SLC25A48: variants seen among roughly 807,000 people sequenced by gnomAD.
SLC25A48 encodes the protein CTC-321K16.1.
In SLC25A48, 29 loss-of-function variants were observed where a neutral mutation model predicts 32.2. The observed-to-expected ratio is 0.90, with a 90% CI of 0.67 to 1.23. The LOEUF is 1.23. SLC25A48 is among the 50% of genes most tolerant of loss of function. The pLI is 0.00. For missense variants in SLC25A48, 399 were observed against 422.7 expected, an observed-to-expected ratio of 0.94 and a Z score of 0.49; for synonymous variants, 164 against 172.3, an observed-to-expected ratio of 0.95 and a Z score of 0.38.
intron 3 of SLC25A48, among the ~76,000 whole-genome samples, chr5:135,763,440 C>T (rs1756113084): frequency 6.6e-6 from 1 of 152,084 alleles, no homozygotes; most frequent in Non-Finnish European, 1.5e-5. Flanking sequence ...CACCCAGCAC[C>T]CTCCAGCCAG....
At chr5:135,692,997 A>G (rs1754181233) in intron 3 of SLC25A48, among the ~76,000 whole-genome samples, 1 of 152,210 alleles carries the variant, frequency 6.6e-6, no homozygotes, top group Non-Finnish European at 1.5e-5. Context: ...GTTAAGATCA[A>G]ATTAAATGCT....
chr5:135,718,236 C>A (rs1353503656), intron 3 of SLC25A48, among the ~76,000 whole-genome samples: 19 of 152,130 alleles, frequency 1.2e-4, no homozygotes, highest in Admixed American at 1.2e-3. Context: ...CTTGGCTCCC[C>A]AGCAGGCTTT....
At chr5:135,814,326 C>G (rs1757663701) in intron 4 of SLC25A48, among the ~76,000 whole-genome samples, 1 of 152,208 alleles carries the variant, frequency 6.6e-6, no homozygotes, top group Non-Finnish European at 1.5e-5. Flanking sequence ...CTCTTGCAGA[C>G]AGCCTACTCT....
chr5:135,863,895 G>T (rs150090113), intron 4 of SLC25A48, among the ~76,000 whole-genome samples: 2 of 152,152 alleles, frequency 1.3e-5, no homozygotes, highest in Non-Finnish European at 2.9e-5. Context: ...AGGAAAAGGC[G>T]TTCATTTCCA....
At chr5:135,646,850 G>T (rs1167752464) in intron 3 of SLC25A48, among the ~76,000 whole-genome samples, 9 of 151,094 alleles carry the variant, frequency 6.0e-5, no homozygotes, top group African/African-American at 2.2e-4. Flanking sequence ...TGATCTAAGG[G>T]CATAAAGTTT....
At chr5:135,613,957 G>GT (rs1227814414) in intron 1 of SLC25A48, among the ~76,000 whole-genome samples, 1 of 152,076 alleles carries the variant, frequency 6.6e-6, no homozygotes, top group Non-Finnish European at 1.5e-5. Context: ...TTTTAGGATT[G>GT]TTTTTTCTAT....
rs371137472 is a variant in SLC25A48, at chr5:135,652,438, C to T, written c.-521+17482C>T. On this transcript the variant is annotated intron_variant, in intron 3 of 10. Transcript: ENST00000646290. ...TCCACCATTATGACATTCTCCATAGCGTTGCTTCTGATCCAAGAACCCACT... is the reference window on the plus strand; with the variant it reads ...TCCACCATTATGACATTCTCCATAGTGTTGCTTCTGATCCAAGAACCCACT... The T allele has an allele frequency of 8.6e-5, 39 of 456,138 alleles. 1 individual carries two copies. In the East Asian group the frequency reaches 1.2e-3, roughly 14 times the overall value. 28.3% of individuals were successfully genotyped at this position (456,138 alleles called of 1,614,324 possible).
chr5:135,684,778 G>A (rs756797), intron 3 of SLC25A48, among the ~76,000 whole-genome samples: 123,588 of 152,154 alleles, frequency 0.81, 50,440 homozygotes, highest in Middle Eastern at 0.9. Flanking sequence ...TCCTTATTCC[G>A]TTTCTAATGG....
intron 3 of SLC25A48, among the ~76,000 whole-genome samples, chr5:135,749,518 T>G (rs1222490618): frequency 6.6e-6 from 1 of 152,140 alleles, no homozygotes; most frequent in Non-Finnish European, 1.5e-5. Context: ...TGCATCTTGA[T>G]GGTCTCAGCA....
chr5:135,793,169 T>A (rs1757079366), intron 3 of SLC25A48, among the ~76,000 whole-genome samples: 1 of 151,434 alleles, frequency 6.6e-6, no homozygotes, highest in South Asian at 2.1e-4. Context: ...GGAGATGTTA[T>A]TCTCCTAATA....
chr5:135,657,864 A>T (rs145720957), intron 3 of SLC25A48, among the ~76,000 whole-genome samples: 91 of 152,280 alleles, frequency 6.0e-4, no homozygotes, highest in African/African-American at 2.0e-3. Flanking sequence ...AAAAACTCGT[A>T]ATTTAGATGG....
At chr5:135,796,560 T>C (rs1328152313) in intron 3 of SLC25A48, among the ~76,000 whole-genome samples, 1 of 149,676 alleles carries the variant, frequency 6.7e-6, no homozygotes, top group Non-Finnish European at 1.5e-5. Flanking sequence ...TTGATATGGT[T>C]CATAATATCC....
chr5:135,658,346 C>A (rs1487971467), intron 3 of SLC25A48, among the ~76,000 whole-genome samples: 3 of 152,196 alleles, frequency 2.0e-5, no homozygotes, highest in Admixed American at 6.5e-5. Context: ...GAAAAATCTC[C>A]TTTGACTTCG....
chr5:135,804,046 C>T (rs1442491624), intron 3 of SLC25A48, among the ~76,000 whole-genome samples: 1 of 151,436 alleles, frequency 6.6e-6, no homozygotes, highest in Non-Finnish European at 1.5e-5. Context: ...ATCATATCTC[C>T]CTAAAATATT....
At chr5:135,675,037 A>G (rs935582683) in intron 3 of SLC25A48, among the ~76,000 whole-genome samples, 1 of 151,876 alleles carries the variant, frequency 6.6e-6, no homozygotes, top group Non-Finnish European at 1.5e-5. Context: ...TGTCTTTTTA[A>G]TAATAGCTAT....
At chr5:135,598,658 A>C (rs959455343) in intron 1 of SLC25A48, among the ~76,000 whole-genome samples, 1 of 152,194 alleles carries the variant, frequency 6.6e-6, no homozygotes, top group Non-Finnish European at 1.5e-5. Flanking sequence ...AATATATTCA[A>C]TAGGTTATAG....
At chr5:135,789,130 G>C (rs988481371) in intron 3 of SLC25A48, among the ~76,000 whole-genome samples, 2 of 47,090 alleles carry the variant, frequency 4.2e-5, no homozygotes, top group African/African-American at 9.2e-5. Context: ...ACACATCCCT[G>C]TGATATGGTT....
At chr5:135,780,633 TG>T (rs543144156) in intron 3 of SLC25A48, among the ~76,000 whole-genome samples, 5 of 113,904 alleles carry the variant, frequency 4.4e-5, no homozygotes, top group African/African-American at 1.1e-4. Flanking sequence ...TCTAATATTT[TG>T]GGGGGGGAGG....
At chr5:135,696,947 A>T (rs1403090704) in intron 3 of SLC25A48, among the ~76,000 whole-genome samples, 1 of 152,232 alleles carries the variant, frequency 6.6e-6, no homozygotes, top group African/African-American at 2.4e-5. Context: ...CCCAGTGTCT[A>T]CCTCAAGGAG....
Sources: gnomAD v4.1 joint callset for allele counts (sites outside exome capture counted in the v4.1 genomes callset) on GRCh38, gnomAD v4.1.1 for gene constraint, MANE v1.5 for transcripts, NCBI Gene and HGNC (gene_info 2026-07-23, HGNC 2026-07-21) for gene names.